The following LBP variants were observed in gnomAD, a reference collection of about 807,000 sequenced individuals.
The protein encoded by LBP is lipopolysaccharide binding protein, also known as lipopolysaccharide-binding protein.
LBP carries 53 observed loss-of-function variants against 56.6 expected under a neutral mutation model. The observed-to-expected ratio is 0.94, with a 90% CI of 0.75 to 1.18. The LOEUF is 1.18. Among genes scored for constraint, LBP ranks in the 50% most tolerant of loss-of-function variants. The pLI is 0.00. For missense variants in LBP, 601 were observed against 598.3 expected (o/e 1.00, Z -0.05); for synonymous variants, 227 against 247.5 (o/e 0.92, Z 0.78).
At chr20:38,349,318 C>T (rs2076812158) in intron 1 of LBP, among the ~76,000 whole-genome samples, 1 of 152,194 alleles carries the variant, frequency 6.6e-6, no homozygotes, top group Non-Finnish European at 1.5e-5. Context: ...CATTCCATTT[C>T]CTCATCAGTA....
intron 10 of LBP, among the ~76,000 whole-genome samples, chr20:38,370,005 T>C (rs928592541): frequency 3.9e-5 from 6 of 152,176 alleles, no homozygotes; most frequent in Non-Finnish European, 7.4e-5. Context: ...TAATTCTTCC[T>C]AGAGGCTATA....
At chr20:38,347,234 A>G (rs1408849460) in intron 1 of LBP, among the ~76,000 whole-genome samples, 2 of 152,168 alleles carry the variant, frequency 1.3e-5, no homozygotes, top group African/African-American at 4.8e-5. Flanking sequence ...CTTTATGTAT[A>G]TTATTCCTCA....
rs2232592 is a variant in LBP at position 38,355,449 on chromosome 20, G to A, written c.588+40G>A. 9.3e-3 allele frequency: 14,611 copies of A among 1,577,466 alleles called. 604 individuals are homozygous for A. The East Asian group carries it at 0.13, about 14-fold the overall frequency. ...GCCTCTGGCCTCCCCCGAGCTTGGC[G>A]AGGGCTGAATGGAAGACCTCACTGA... On this transcript the variant is annotated intron_variant, in intron 5 of 14. Transcript: ENST00000217407.
At chr20:38,370,240 G>C (rs2076896469) in intron 10 of LBP, among the ~76,000 whole-genome samples, 5 of 152,022 alleles carry the variant, frequency 3.3e-5, no homozygotes. Flanking sequence ...GCCAGGCCTG[G>C]TGGCATGCAC....
chr20:38,365,696 CAAAA>C (rs1170058556), intron 8 of LBP, among the ~76,000 whole-genome samples: 81 of 103,716 alleles, frequency 7.8e-4, no homozygotes, highest in East Asian at 7.1e-3. Flanking sequence ...GACTGCATCT[CAAAA>C]AAAAAAAAAA....
chr20:38,375,074 G>T (rs572981591), intron 14 of LBP, among the ~76,000 whole-genome samples: 7 of 151,042 alleles, frequency 4.6e-5, no homozygotes, highest in Admixed American at 6.6e-5. Context: ...TGGGATTACA[G>T]GCATGAGACA....
intron 9 of LBP, among the ~76,000 whole-genome samples, chr20:38,368,133 G>T (rs879401920): frequency 5.3e-5 from 8 of 152,174 alleles, no homozygotes; most frequent in South Asian, 2.1e-4. Flanking sequence ...TTTTAAAAAA[G>T]AAATGGTGGG....
chr20:38,349,483 T>C, intron 1 of LBP, 65 bp from the exon 2 acceptor site: 1 of 1,235,786 alleles, frequency 8.1e-7, no homozygotes, highest in South Asian at 1.3e-5. Context: ...GGAGCCACCG[T>C]AGGGTTTAGA....
In LBP at chr20:38,369,143, C is replaced by G; in HGVS notation, c.1130C>G (p.Pro377Arg). ...FVLLPSSSKE[P>R]VFRLSVATNV... ...CTCCTGCCCAGCTCCAGCAAGGAGCCTGTCTTCCGGCTCAGTGTGGTAAGG... is the reference window on the plus strand; with the variant it reads ...CTCCTGCCCAGCTCCAGCAAGGAGCGTGTCTTCCGGCTCAGTGTGGTAAGG... Residue 377 changes from proline to arginine, a missense_variant, in exon 10 of 15, where the codon CCT (proline) becomes CGT (arginine). Pro to Arg is a moderately radical substitution (Grantham distance 103, BLOSUM62 -2). Coordinates refer to ENST00000217407, the MANE Select transcript of LBP (RefSeq NM_004139.5). The G allele has an allele frequency of 6.2e-7, 1 of 1,614,060 alleles. No homozygotes were observed. The highest frequency in any genetic ancestry group is 8.5e-7 in the Non-Finnish European group (1 of 1,179,988).
rs749134504 is a variant in LBP, at chr20:38,364,722, A to G, written c.891A>G (p.Gly297=). 1.2e-6 allele frequency: 2 copies of G among 1,613,104 alleles called. No individual in the cohort carries two copies. Among genetic ancestry groups the G allele is most frequent in the East Asian group, 4.5e-5 (2 of 44,888 alleles). The change falls in exon 8 of 15, where the codon GGA becomes GGG. Residue 297 remains glycine (G), a synonymous_variant. Coordinates refer to ENST00000217407, the MANE Select transcript of LBP (RefSeq NM_004139.5). The part of the protein sequence containing the change: ...NTASLVYHEE[G]YLNFSITDDM... Reference sequence around the variant, plus strand: ...CCAGCCTGGTTTATCATGAGGAAGGATATCTGAACTTCTCCATCACAGATG... The same window carrying G: ...CCAGCCTGGTTTATCATGAGGAAGGGTATCTGAACTTCTCCATCACAGATG...
At chr20:38,349,435 GC>G in intron 1 of LBP, 112 bp from the exon 2 acceptor site, 1 of 740,888 alleles carries the variant, frequency 1.3e-6, no homozygotes, top group Non-Finnish European at 2.4e-6. Flanking sequence ...TGTACTTAAT[GC>G]TAATAAGGAT....
intron 10 of LBP, among the ~76,000 whole-genome samples, chr20:38,370,380 CA>C (rs1211530767): frequency 1.3e-5 from 2 of 152,054 alleles, no homozygotes; most frequent in Non-Finnish European, 2.9e-5. Flanking sequence ...ATCTCTAAAA[CA>C]ATAATAATAA....
chr20:38,362,236 A>C (rs561849843), intron 6 of LBP, among the ~76,000 whole-genome samples: 1 of 148,472 alleles, frequency 6.7e-6, no homozygotes, highest in African/African-American at 2.5e-5. Flanking sequence ...TTTTTTTTGT[A>C]TTTTTAGTAG....
In LBP at chr20:38,373,933, C is replaced by G; in HGVS notation, c.1325-4C>G. 6.2e-7 allele frequency: 1 copy of G among 1,613,828 alleles called. No individual in the cohort carries two copies. Among genetic ancestry groups the G allele is most frequent in the Non-Finnish European group, 8.5e-7 (1 of 1,179,694 alleles). On this transcript the variant is annotated splice_polypyrimidine_tract_variant and splice_region_variant and intron_variant, in intron 13 of 14. Transcript: ENST00000217407. ...CTCTTTCAATGTTGTGCTTCAACCT[C>G]TAGATAAGTTGGCCGAAGGCTTCCC...
Position 38,349,615 on chromosome 20 carries a change from G to A in LBP, c.192G>A (p.Gly64=). Reference sequence around the variant, plus strand: ...GGATCACGCTGCCTGACTTCACCGGGGACTTGAGGATCCCCCACGTCGGCC... The same window carrying A: ...GGATCACGCTGCCTGACTTCACCGGAGACTTGAGGATCCCCCACGTCGGCC... ...LLRITLPDFT[G]DLRIPHVGRG... Residue 64 remains glycine (G), a synonymous_variant, in exon 2 of 15, where the codon GGG becomes GGA. Transcript: ENST00000217407. 6.8e-6 allele frequency: 11 copies of A among 1,611,952 alleles called. No individual in the cohort carries two copies. The highest frequency in any genetic ancestry group is 7.6e-6 in the Non-Finnish European group (9 of 1,179,266).
At chr20:38,360,608 G>A (rs2076856325) in intron 5 of LBP, 96 bp from the exon 6 acceptor site, 1 of 771,750 alleles carries the variant, frequency 1.3e-6, no homozygotes, top group Non-Finnish European at 2.3e-6. Context: ...AGTGATCACT[G>A]AGCACATGTG....
chr20:38,361,274 T>C (rs1424621172), intron 6 of LBP, among the ~76,000 whole-genome samples: 1 of 152,250 alleles, frequency 6.6e-6, no homozygotes, highest in African/African-American at 2.4e-5. Flanking sequence ...ATATTTTCTT[T>C]GTATGTACAA....
At chr20:38,370,058 T>C (rs1292004570) in intron 10 of LBP, among the ~76,000 whole-genome samples, 2 of 152,062 alleles carry the variant, frequency 1.3e-5, no homozygotes, top group Non-Finnish European at 2.9e-5. Flanking sequence ...AAAGTGTCAT[T>C]ATTAATATAT....
rs2076835209 is a variant in LBP at position 38,355,368 on chromosome 20, A to G, written c.547A>G (p.Asn183Asp). The G allele has an allele frequency of 6.2e-7, 1 of 1,613,682 alleles. No individual in the cohort carries two copies. The highest frequency in any genetic ancestry group is 1.7e-5 in the Admixed American group (1 of 60,000). The change falls in exon 5 of 15, where the codon AAC becomes GAC. Residue 183 changes from asparagine to aspartate, a missense_variant. Transcript: ENST00000217407. ...CAGGTGGCTGTTGAACCTCTTCCAC[A>G]ACCAGATTGAGTCCAAGTTCCAGAA... ...DLGWLLNLFHNQIESKFQKVL... is the reference protein window; with the variant it reads ...DLGWLLNLFHDQIESKFQKVL...
Sources: allele counts gnomAD v4.1 joint callset (sites outside exome capture counted in the v4.1 genomes callset), GRCh38; gene constraint gnomAD v4.1.1; transcripts MANE v1.5; gene names NCBI Gene and HGNC (gene_info 2026-07-23, HGNC 2026-07-21).